ZFYVE9: variants seen among roughly 807,000 people sequenced by gnomAD.
The protein encoded by ZFYVE9 is zinc finger FYVE domain-containing protein 9.
A neutral mutation model predicts 126.7 loss-of-function variants in ZFYVE9; 43 were observed. The ratio of observed to expected loss-of-function variants is 0.34; its 90% CI spans 0.27 to 0.44. The LOEUF is 0.44. ZFYVE9 is among the 20% of genes least tolerant of loss of function. ZFYVE9 has a pLI of 1.00. For synonymous variants in ZFYVE9, 521 were observed against 597.4 expected (o/e 0.87, Z 1.87); for missense variants, 1,476 against 1,697.0 (o/e 0.87, Z 2.29).
At chr1:52,191,368 A>T (rs543812710) in intron 1 of ZFYVE9, among the ~76,000 whole-genome samples, 67 of 152,286 alleles carry the variant, frequency 4.4e-4, no homozygotes, top group African/African-American at 1.6e-3. Flanking sequence ...GTCACTGAAA[A>T]GTTCTCTTTT....
At chr1:52,227,625 G>A (rs1645182102) in intron 2 of ZFYVE9, among the ~76,000 whole-genome samples, 1 of 152,194 alleles carries the variant, frequency 6.6e-6, no homozygotes, top group African/African-American at 2.4e-5. Flanking sequence ...TAAAAACACT[G>A]TTAAAACTCA....
At chr1:52,196,996 TGAA>T (rs989102511) in intron 1 of ZFYVE9, among the ~76,000 whole-genome samples, 31 of 152,138 alleles carry the variant, frequency 2.0e-4, no homozygotes, top group African/African-American at 7.5e-4. Flanking sequence ...ATCAAACAAT[TGAA>T]GAATTTCAGG....
At position 52,162,282 on chromosome 1, in the gene ZFYVE9, C is replaced by T. The variant is rs1381622074; in HGVS notation, c.-143+19879C>T. ...CTTCTGTACCGGTAATCATAGTCTTCATATCTGTCATATCCACGATGATAT... is the reference window on the plus strand; with the variant it reads ...CTTCTGTACCGGTAATCATAGTCTTTATATCTGTCATATCCACGATGATAT... On this transcript the variant is annotated intron_variant, in intron 1 of 18. Coordinates refer to ENST00000287727, the MANE Select transcript of ZFYVE9 (RefSeq NM_004799.4). The T allele has an allele frequency of 1.9e-5, 7 of 362,268 alleles. No homozygotes were observed. The East Asian group carries it at 4.2e-4, about 22-fold the overall frequency. 22.4% of individuals were successfully genotyped at this position (362,268 alleles called of 1,614,324 possible).
chr1:52,168,272 A>C (rs1292491949), intron 1 of ZFYVE9, among the ~76,000 whole-genome samples: 1 of 132,446 alleles, frequency 7.6e-6, no homozygotes, highest in Non-Finnish European at 1.5e-5. Flanking sequence ...GCTGGAGTGC[A>C]ATGGTGCGAT....
At chr1:52,300,293 TAAG>T (rs1331959410) in intron 12 of ZFYVE9, among the ~76,000 whole-genome samples, 2 of 151,758 alleles carry the variant, frequency 1.3e-5, no homozygotes, top group Non-Finnish European at 2.9e-5. Flanking sequence ...GAGAGAACAA[TAAG>T]AAAAAAAAGT....
chr1:52,170,200 G>A (rs1447884033), intron 1 of ZFYVE9, among the ~76,000 whole-genome samples: 2 of 151,972 alleles, frequency 1.3e-5, no homozygotes, highest in Non-Finnish European at 2.9e-5. Flanking sequence ...TAAATCCATT[G>A]CATCATTTAT....
intron 6 of ZFYVE9, among the ~76,000 whole-genome samples, chr1:52,267,334 C>G (rs1356269852): frequency 5.3e-5 from 8 of 152,136 alleles, no homozygotes; most frequent in Admixed American, 5.2e-4. Flanking sequence ...GACTTTAAAT[C>G]TAGAACTTTA....
chr1:52,157,969 A>G (rs1385381143), intron 1 of ZFYVE9, among the ~76,000 whole-genome samples: 6 of 152,030 alleles, frequency 3.9e-5, no homozygotes, highest in Non-Finnish European at 7.4e-5. Flanking sequence ...ACACAGCTCT[A>G]TCATACCCAC....
chr1:52,338,418 A>G (rs543636817), intron 16 of ZFYVE9, among the ~76,000 whole-genome samples: 22 of 152,274 alleles, frequency 1.4e-4, no homozygotes, highest in Non-Finnish European at 2.8e-4. Context: ...CGGCAACTCT[A>G]TTCTAATGGT....
rs148711651 is a variant in ZFYVE9 at position 52,277,349 on chromosome 1, T to C, written c.2747-1143T>C. ...ACTCTGTTGTTAAAAAGAGTCAGAT[T>C]GTTGGATTCCATTTTCATAAAAAGT... On this transcript the variant is annotated intron_variant, in intron 8 of 18. Transcript: ENST00000287727. Among the ~76,000 whole-genome samples the C allele has an allele frequency of 7.0e-3, 1,060 of 152,280 alleles. 13 individuals are homozygous for C. The highest frequency in any genetic ancestry group is 0.024 in the African/African-American group (1,009 of 41,552).
At chr1:52,184,827 C>T (rs1419031783) in intron 1 of ZFYVE9, among the ~76,000 whole-genome samples, 1 of 151,954 alleles carries the variant, frequency 6.6e-6, no homozygotes, top group African/African-American at 2.4e-5. Context: ...GAGTTAGAGA[C>T]CAGCCTGGAC....
chr1:52,157,433 C>T (rs1168274760), intron 1 of ZFYVE9, among the ~76,000 whole-genome samples: 1 of 106,050 alleles, frequency 9.4e-6, no homozygotes, highest in African/African-American at 3.5e-5. Flanking sequence ...TGGAGTCTCA[C>T]TCTGTTGCCC....
intron 1 of ZFYVE9, chr1:52,160,584 A>G (rs1644448333): frequency 6.8e-6 from 5 of 731,274 alleles, no homozygotes; most frequent in East Asian, 2.4e-5. Flanking sequence ...TTACCAATAC[A>G]TTCAAAGGAA....
intron 4 of ZFYVE9, among the ~76,000 whole-genome samples, chr1:52,248,248 G>C (rs1378917692): frequency 1.3e-5 from 2 of 152,152 alleles, no homozygotes; most frequent in African/African-American, 4.8e-5. Flanking sequence ...AAGGCTGCTA[G>C]TGCAAGTCTT....
chr1:52,267,084 G>C (rs1384384590), intron 6 of ZFYVE9, among the ~76,000 whole-genome samples: 1 of 152,184 alleles, frequency 6.6e-6, no homozygotes, highest in Non-Finnish European at 1.5e-5. Flanking sequence ...TAAGAATGGA[G>C]TAATTACACT....
At chr1:52,180,417 C>A (rs569068333) in intron 1 of ZFYVE9, 1 of 1,462,628 alleles carries the variant, frequency 6.8e-7, no homozygotes. Context: ...AGATGAGTTG[C>A]AGTGAAAACT....
chr1:52,272,939 G>A (rs1645708739), intron 7 of ZFYVE9, among the ~76,000 whole-genome samples: 1 of 152,042 alleles, frequency 6.6e-6, no homozygotes, highest in African/African-American at 2.4e-5. Context: ...TGGGATTACG[G>A]GCGTGAGCCA....
At chr1:52,283,071 T>C (rs971855041) in intron 10 of ZFYVE9, among the ~76,000 whole-genome samples, 1 of 152,198 alleles carries the variant, frequency 6.6e-6, no homozygotes, top group African/African-American at 2.4e-5. Flanking sequence ...TTTTAATGTT[T>C]ACCCTGTCTG....
intron 8 of ZFYVE9, among the ~76,000 whole-genome samples, chr1:52,275,913 T>C (rs931064645): frequency 6.8e-6 from 1 of 146,042 alleles, no homozygotes; most frequent in Non-Finnish European, 1.5e-5. Context: ...ATTTTTTTTT[T>C]TTTTTTTTTT....
Sources: allele counts gnomAD v4.1 joint callset (sites outside exome capture counted in the v4.1 genomes callset), GRCh38; gene constraint gnomAD v4.1.1; transcripts MANE v1.5; gene names NCBI Gene and HGNC (gene_info 2026-07-23, HGNC 2026-07-21).